PTGER1: variants seen among roughly 807,000 people sequenced by gnomAD.
PTGER1 encodes the protein prostaglandin E2 receptor EP1 subtype.
In PTGER1, 15 loss-of-function variants were observed where a neutral mutation model predicts 18.5. The ratio of observed to expected loss-of-function variants is 0.81; its 90% CI spans 0.54 to 1.25. The LOEUF (loss-of-function observed/expected upper bound fraction) is 1.25, where lower values mean the gene tolerates loss of function less well. Among genes scored for constraint, PTGER1 ranks in the 50% most tolerant of loss-of-function variants. PTGER1 has a pLI of 0.00. For synonymous variants in PTGER1, 339 were observed against 308.4 expected (o/e 1.10, Z -1.04); for missense variants, 567 against 603.4 (o/e 0.94, Z 0.63).
rs1278892306 is a variant in PTGER1 at position 14,473,802 on chromosome 19, C to T, written c.519G>A (p.Leu173=). ...AVALAVALLP[L]ARVGRYELQY... ...GCAGCTCATAGCGGCCCACGCGCGC[C>T]AGCGGCAGCAGCGCCACGGCCAAGG... The change falls in exon 2 of 3, where the codon CTG becomes CTA. Residue 173 remains leucine, a synonymous_variant. Transcript: ENST00000292513. This position sits in a 1 kb window ranked among gnomAD's most constrained non-coding sequence, Gnocchi z 7.1. The T allele has an allele frequency of 2.8e-6, 4 of 1,406,162 alleles. No homozygotes were observed. Among genetic ancestry groups the T allele is most frequent in the South Asian group, 1.5e-5 (1 of 68,750 alleles). 87.1% of individuals were successfully genotyped at this position (1,406,162 alleles called of 1,614,324 possible).
chr19:14,474,345 G>A lies in PTGER1; in HGVS notation c.-17-8C>T, dbSNP rs1264184183. 6 of 1,491,602 alleles carry A rather than the reference G, an allele frequency of 4.0e-6. No homozygotes were observed. The highest frequency in any genetic ancestry group is 8.9e-7 in the Non-Finnish European group (1 of 1,128,704). 92.4% of individuals were successfully genotyped at this position (1,491,602 alleles called of 1,614,324 possible). A position where few individuals can be genotyped will look rare whatever the true frequency, so the allele number is the denominator to read the frequency against. Reference sequence around the variant, plus strand: ...TGTCAGGCGCCAGGGGTGCTGGATAGAGGAGAGGAGGGCAGAGTGAGGCTG... The same window carrying A: ...TGTCAGGCGCCAGGGGTGCTGGATAAAGGAGAGGAGGGCAGAGTGAGGCTG... On this transcript the variant is annotated splice_region_variant and splice_polypyrimidine_tract_variant and intron_variant, in intron 1 of 2. Coordinates refer to ENST00000292513, the MANE Select transcript of PTGER1 (RefSeq NM_000955.3). This position sits in a 1 kb window ranked among gnomAD's most constrained non-coding sequence, Gnocchi z 5.4.
Position 14,474,308 on chromosome 19 carries a change from C to T in PTGER1, c.13G>A (p.Gly5Arg). The change falls in exon 2 of 3, where the codon GGG (glycine) becomes AGG (arginine). Residue 5 changes from glycine (G) to arginine (R), a missense_variant. Transcript: ENST00000292513. This position sits in a 1 kb window ranked among gnomAD's most constrained non-coding sequence, Gnocchi z 5.4. ...CCCGCCAGGCTCAGGTTGAGGGGCC[C>T]GCAAGGGCTCATGTCAGGCGCCAGG... The part of the protein sequence containing the change: MSPC[G>R]PLNLSLAGEA... 6 of 1,528,048 alleles carry T rather than the reference C, an allele frequency of 3.9e-6. No homozygotes were observed. Among genetic ancestry groups the T allele is most frequent in the South Asian group, 1.2e-5 (1 of 83,694 alleles). The allele number at this position is 1,528,048 out of a possible 1,614,324, so 94.7% of individuals were successfully genotyped here. A position where few individuals can be genotyped will look rare whatever the true frequency, so the allele number is the denominator to read the frequency against.
Position 14,473,315 on chromosome 19 carries a change from G to C in PTGER1, c.942+64C>G. The stretch of plus-strand genomic sequence containing the variant: ...GCCCCAGGTGTCCTGGGACGACAAA[G>C]GGCGGGAGGGTGCCGAGAGGGAGCG... On this transcript the variant is annotated intron_variant, in intron 2 of 2. Coordinates refer to ENST00000292513, the MANE Select transcript of PTGER1 (RefSeq NM_000955.3). This position sits in a 1 kb window ranked among gnomAD's most constrained non-coding sequence, Gnocchi z 7.1. The C allele has an allele frequency of 6.5e-7, 1 of 1,536,508 alleles. No homozygotes were observed. Among genetic ancestry groups the C allele is most frequent in the Middle Eastern group, 1.7e-4 (1 of 5,902 alleles).
In PTGER1 at chr19:14,473,963, A is replaced by G; in HGVS notation, c.358T>C (p.Phe120Leu). The G allele has an allele frequency of 6.7e-7, 1 of 1,494,066 alleles. No individual in the cohort carries two copies. The highest frequency in any genetic ancestry group is 8.9e-7 in the Non-Finnish European group (1 of 1,126,216). The allele number at this position is 1,494,066 out of a possible 1,614,324, so 92.6% of individuals were successfully genotyped here. Residue 120 changes from phenylalanine (F) to leucine (L), a missense_variant, in exon 2 of 3, where the codon TTC (phenylalanine) becomes CTC (leucine). Transcript: ENST00000292513. The surrounding 1 kb of genome is among the most constrained non-coding windows in gnomAD (Gnocchi z 7.1). Reference protein sequence around the residue: ...CHFLGGCMVFFGLCPLLLGCG... With the variant: ...CHFLGGCMVFLGLCPLLLGCG... The stretch of plus-strand genomic sequence containing the variant: ...CCCAGCAGCAGCGGGCACAGGCCGA[A>G]GAAGACCATGCAGCCGCCCAGGAAG...
In PTGER1 at chr19:14,472,525, G is replaced by A. The variant is rs1204730423; in HGVS notation, c.*35C>T. 6.6e-7 allele frequency: 1 copy of A among 1,512,676 alleles called. No individual in the cohort carries two copies. The highest frequency in any genetic ancestry group is 8.8e-7 in the Non-Finnish European group (1 of 1,137,936). 93.7% of individuals were successfully genotyped at this position (1,512,676 alleles called of 1,614,324 possible). A position where few individuals can be genotyped will look rare whatever the true frequency, so the allele number is the denominator to read the frequency against. On this transcript the variant is annotated 3_prime_UTR_variant, in exon 3 of 3. Coordinates refer to ENST00000292513, the MANE Select transcript of PTGER1 (RefSeq NM_000955.3). ...GCCGCGCACCTGGGCCCAGCCCAGG[G>A]TGGGCTGGCTTAGTCGTTGGGCCTC... is the stretch of plus-strand genomic sequence containing the variant.
chr19:14,474,390 C>T lies in PTGER1; in HGVS notation c.-17-53G>A. ...AGGCTGGCTGGGCCCGGGCGGGGAC[C>T]AGCCCACGGTGCCATCTCAGAACAT... On this transcript the variant is annotated intron_variant, in intron 1 of 2. Coordinates refer to ENST00000292513, the MANE Select transcript of PTGER1 (RefSeq NM_000955.3). This position sits in a 1 kb window ranked among gnomAD's most constrained non-coding sequence, Gnocchi z 5.4. 1 of 1,419,460 alleles carries T rather than the reference C, an allele frequency of 7.0e-7. No homozygotes were observed. Among genetic ancestry groups the T allele is most frequent in the South Asian group, 1.4e-5 (1 of 69,296 alleles). The allele number at this position is 1,419,460 out of a possible 1,614,324, so 87.9% of individuals were successfully genotyped here. A position where few individuals can be genotyped will look rare whatever the true frequency, so the allele number is the denominator to read the frequency against.
In PTGER1 at chr19:14,473,978, C is replaced by T. The variant is rs1469374026; in HGVS notation, c.343G>A (p.Gly115Ser). ...PAGGACHFLGGCMVFFGLCPL... is the reference protein window; with the variant it reads ...PAGGACHFLGSCMVFFGLCPL... ...CACAGGCCGAAGAAGACCATGCAGC[C>T]GCCCAGGAAGTGGCAGGCCCCGCCG... The change falls in exon 2 of 3, where the codon GGC (glycine) becomes AGC (serine). Residue 115 changes from glycine (G) to serine (S), a missense_variant. Transcript: ENST00000292513. The surrounding 1 kb of genome is among the most constrained non-coding windows in gnomAD (Gnocchi z 7.1). The T allele has an allele frequency of 6.7e-7, 1 of 1,498,076 alleles. No homozygotes were observed. The highest frequency in any genetic ancestry group is 8.9e-7 in the Non-Finnish European group (1 of 1,128,310). The allele number at this position is 1,498,076 out of a possible 1,614,324, so 92.8% of individuals were successfully genotyped here.
rs1175725241 is a variant in PTGER1 at position 14,474,954 on chromosome 19, C to T, written c.-18+308G>A. Among the ~76,000 whole-genome samples, 1 of 152,196 alleles carries T rather than the reference C, an allele frequency of 6.6e-6. No individual in the cohort carries two copies. Among genetic ancestry groups the T allele is most frequent in the African/African-American group, 2.4e-5 (1 of 41,446 alleles). ...CTGCCTCTGCTCCACTGCGGTCTCT[C>T]GCCAGGCCCTACCCCGATCACCTCT... is the stretch of plus-strand genomic sequence containing the variant. On this transcript the variant is annotated intron_variant, in intron 1 of 2. Transcript: ENST00000292513. This position sits in a 1 kb window ranked among gnomAD's most constrained non-coding sequence, Gnocchi z 5.4.
Position 14,473,365 on chromosome 19 carries a change from G to A in PTGER1, c.942+14C>T, listed in dbSNP as rs757232315. 6.4e-7 allele frequency: 1 copy of A among 1,562,624 alleles called. No homozygotes were observed. The highest frequency in any genetic ancestry group is 1.4e-5 in the African/African-American group (1 of 73,354). On this transcript the variant is annotated intron_variant, in intron 2 of 2. Transcript: ENST00000292513. This position sits in a 1 kb window ranked among gnomAD's most constrained non-coding sequence, Gnocchi z 7.1. ...GGGAAGGAGCGTGGCTCGAGGGGCCGGTGCGCCCCTCACCAGCATTGGGCT... is the reference window on the plus strand; with the variant it reads ...GGGAAGGAGCGTGGCTCGAGGGGCCAGTGCGCCCCTCACCAGCATTGGGCT...
In PTGER1 at chr19:14,472,814, G is replaced by A; in HGVS notation, c.955C>T (p.Leu319=). 6.4e-7 allele frequency: 1 copy of A among 1,554,100 alleles called. No individual in the cohort carries two copies. Among genetic ancestry groups the A allele is most frequent in the Non-Finnish European group, 8.7e-7 (1 of 1,151,686 alleles). The change falls in exon 3 of 3, where the codon CTG becomes TTG. Residue 319 remains leucine (L), a synonymous_variant. Transcript: ENST00000292513. ...GTAGAGCTCCAGCCGCCGACGGCCA[G>A]CGCCACCAACACCTGCGGGGGAAGC... is the stretch of plus-strand genomic sequence containing the variant. ...CWSPMLVLVA[L]AVGGWSSTSL...
In PTGER1 at chr19:14,473,338, G is replaced by C. The variant is rs1278454137; in HGVS notation, c.942+41C>G. The C allele has an allele frequency of 6.5e-7, 1 of 1,549,986 alleles. No homozygotes were observed. The stretch of plus-strand genomic sequence containing the variant: ...AAGGGCGGGAGGGTGCCGAGAGGGA[G>C]CGGGAAGGAGCGTGGCTCGAGGGGC... On this transcript the variant is annotated intron_variant, in intron 2 of 2. Coordinates refer to ENST00000292513, the MANE Select transcript of PTGER1 (RefSeq NM_000955.3). The surrounding 1 kb of genome is among the most constrained non-coding windows in gnomAD (Gnocchi z 7.1).
chr19:14,473,365 G>C lies in PTGER1; in HGVS notation c.942+14C>G, dbSNP rs757232315. 2 of 1,562,624 alleles carry C rather than the reference G, an allele frequency of 1.3e-6. No individual in the cohort carries two copies. The highest frequency in any genetic ancestry group is 1.7e-6 in the Non-Finnish European group (2 of 1,159,778). On this transcript the variant is annotated intron_variant, in intron 2 of 2. Transcript: ENST00000292513. The surrounding 1 kb of genome is among the most constrained non-coding windows in gnomAD (Gnocchi z 7.1). The stretch of plus-strand genomic sequence containing the variant: ...GGGAAGGAGCGTGGCTCGAGGGGCC[G>C]GTGCGCCCCTCACCAGCATTGGGCT...
At position 14,473,015 on chromosome 19, in the gene PTGER1, G is replaced by T. The variant is rs567249484; in HGVS notation, c.943-189C>A. 6.6e-6 allele frequency among the ~76,000 whole-genome samples: 1 copy of T among 152,264 alleles called. No homozygotes were observed. Among genetic ancestry groups the T allele is most frequent in the African/African-American group, 2.4e-5 (1 of 41,554 alleles). ...GGCAAAGAAACAAACACCTTCAGTGGGTGGGGGTCCGGCCGTAGAGGAGTC... is the reference window on the plus strand; with the variant it reads ...GGCAAAGAAACAAACACCTTCAGTGTGTGGGGGTCCGGCCGTAGAGGAGTC... On this transcript the variant is annotated intron_variant, in intron 2 of 2. Coordinates refer to ENST00000292513, the MANE Select transcript of PTGER1 (RefSeq NM_000955.3). The surrounding 1 kb of genome is among the most constrained non-coding windows in gnomAD (Gnocchi z 7.1).
Position 14,474,243 on chromosome 19 carries a change from C to A in PTGER1, c.78G>T (p.Thr26=). ...TTCAAPWVPN[T]SAVPPSGASP... ...AAGCGCCCGACGGCGGCACGGCCGACGTGTTGGGGACCCAGGGCGCCGCGC... is the reference window on the plus strand; with the variant it reads ...AAGCGCCCGACGGCGGCACGGCCGAAGTGTTGGGGACCCAGGGCGCCGCGC... The change falls in exon 2 of 3, where the codon ACG becomes ACT. Residue 26 remains threonine, a synonymous_variant. Coordinates refer to ENST00000292513, the MANE Select transcript of PTGER1 (RefSeq NM_000955.3). This position sits in a 1 kb window ranked among gnomAD's most constrained non-coding sequence, Gnocchi z 5.4. 6.5e-7 allele frequency: 1 copy of A among 1,528,814 alleles called. No homozygotes were observed. Among genetic ancestry groups the A allele is most frequent in the Admixed American group, 2.0e-5 (1 of 50,574 alleles). 94.7% of individuals were successfully genotyped at this position (1,528,814 alleles called of 1,614,324 possible).
chr19:14,473,405 A>G lies in PTGER1; in HGVS notation c.916T>C (p.Ser306Pro). Reference protein sequence around the residue: ...VGQLVGIMVVSCICWSPMLVL... With the variant: ...VGQLVGIMVVPCICWSPMLVL... The stretch of plus-strand genomic sequence containing the variant: ...AGCATTGGGCTCCAGCAGATGCACG[A>G]CACCACCATGATACCGACAAGCTGG... The change falls in exon 2 of 3, where the codon TCG (serine) becomes CCG (proline). Residue 306 changes from serine (S) to proline (P), a missense_variant. Physicochemically the swap from Ser to Pro is moderately conservative, Grantham distance 74. Transcript: ENST00000292513. The surrounding 1 kb of genome is among the most constrained non-coding windows in gnomAD (Gnocchi z 7.1). 3 of 1,595,898 alleles carry G rather than the reference A, an allele frequency of 1.9e-6. No homozygotes were observed. Among genetic ancestry groups the G allele is most frequent in the Non-Finnish European group, 2.6e-6 (3 of 1,174,124 alleles).
At position 14,472,779 on chromosome 19, in the gene PTGER1, C is replaced by T; in HGVS notation, c.990G>A (p.Gln330=). The T allele has an allele frequency of 6.3e-7, 1 of 1,576,672 alleles. No individual in the cohort carries two copies. Among genetic ancestry groups the T allele is most frequent in the Non-Finnish European group, 8.6e-7 (1 of 1,163,022 alleles). The part of the protein sequence containing the change: ...AVGGWSSTSL[Q]RPLFLAVRLA... ...GGCGCACGGCCAGGAACAGTGGCCG[C>T]TGCAGGGAGGTAGAGCTCCAGCCGC... Residue 330 remains glutamine (Q), a synonymous_variant, in exon 3 of 3, where the codon CAG becomes CAA. Transcript: ENST00000292513.
chr19:14,474,222 G>T lies in PTGER1; in HGVS notation c.99C>A (p.Gly33=). ...AGAAGATGGGCAGCGCGGGCGAAGC[G>T]CCCGACGGCGGCACGGCCGACGTGT... The part of the protein sequence containing the change: ...VPNTSAVPPS[G]ASPALPIFSM... The change falls in exon 2 of 3, where the codon GGC becomes GGA. Residue 33 remains glycine (G), a synonymous_variant. Coordinates refer to ENST00000292513, the MANE Select transcript of PTGER1 (RefSeq NM_000955.3). This position sits in a 1 kb window ranked among gnomAD's most constrained non-coding sequence, Gnocchi z 5.4. 6.6e-7 allele frequency: 1 copy of T among 1,526,640 alleles called. No individual in the cohort carries two copies. Among genetic ancestry groups the T allele is most frequent in the Non-Finnish European group, 8.8e-7 (1 of 1,142,660 alleles). The allele number at this position is 1,526,640 out of a possible 1,614,324, so 94.6% of individuals were successfully genotyped here. A position where few individuals can be genotyped will look rare whatever the true frequency, so the allele number is the denominator to read the frequency against.
At position 14,473,367 on chromosome 19, in the gene PTGER1, TGCGC is replaced by T. The variant is rs2071583855; in HGVS notation, c.942+8_942+11del. ...GAAGGAGCGTGGCTCGAGGGGCCGG[TGCGC>T]CCCTCACCAGCATTGGGCTCCAGCA... is the stretch of plus-strand genomic sequence containing the variant. On this transcript the variant is annotated splice_region_variant and intron_variant, in intron 2 of 2. Coordinates refer to ENST00000292513, the MANE Select transcript of PTGER1 (RefSeq NM_000955.3). This position sits in a 1 kb window ranked among gnomAD's most constrained non-coding sequence, Gnocchi z 7.1. 1 of 1,555,572 alleles carries T rather than the reference TGCGC, an allele frequency of 6.4e-7. No individual in the cohort carries two copies. Among genetic ancestry groups the T allele is most frequent in the Non-Finnish European group, 8.6e-7 (1 of 1,157,088 alleles).
rs773788610 is a variant in PTGER1 at position 14,473,435 on chromosome 19, C to T, written c.886G>A (p.Val296Met). The change falls in exon 2 of 3, where the codon GTG (valine) becomes ATG (methionine). Residue 296 changes from valine (V) to methionine (M), a missense_variant. Physicochemically the swap from Val to Met is conservative, Grantham distance 21 (BLOSUM62 1). Transcript: ENST00000292513. This position sits in a 1 kb window ranked among gnomAD's most constrained non-coding sequence, Gnocchi z 7.1. ...ACCATGATACCGACAAGCTGGCCCACCATCTCCACGTCGTGGGCGCGAGCT... is the reference window on the plus strand; with the variant it reads ...ACCATGATACCGACAAGCTGGCCCATCATCTCCACGTCGTGGGCGCGAGCT... Reference protein sequence around the residue: ...RRARAHDVEMVGQLVGIMVVS... With the variant: ...RRARAHDVEMMGQLVGIMVVS... 2.5e-6 allele frequency: 4 copies of T among 1,598,618 alleles called. No individual in the cohort carries two copies. The highest frequency in any genetic ancestry group is 3.4e-6 in the Non-Finnish European group (4 of 1,175,280).
Sources: allele counts gnomAD v4.1 joint callset (sites outside exome capture counted in the v4.1 genomes callset), GRCh38; gene constraint gnomAD v4.1.1; non-coding constraint Gnocchi (gnomAD v3.1); transcripts MANE v1.5; gene names NCBI Gene and HGNC (gene_info 2026-07-23, HGNC 2026-07-21).